XKR4: variants seen among roughly 807,000 people sequenced by gnomAD.
XKR4 encodes XK related 4.
XKR4 carries 12 observed loss-of-function variants against 53.9 expected under a neutral mutation model. The ratio of observed to expected loss-of-function variants is 0.22; its 90% CI spans 0.14 to 0.36. XKR4 has a LOEUF of 0.36. Among genes scored for constraint, XKR4 ranks in the 10% least tolerant of loss-of-function variants. The probability of loss-of-function intolerance (pLI) is 1.00; values close to 1 mark genes in which losing one functional copy is unlikely to be tolerated. For synonymous variants in XKR4, 354 were observed against 362.4 expected (o/e 0.98, Z 0.26); for missense variants, 799 against 859.5 (o/e 0.93, Z 0.88).
At chr8:55,378,013 G>T (rs1355821555) in intron 2 of XKR4, among the ~76,000 whole-genome samples, 1 of 152,220 alleles carries the variant, frequency 6.6e-6, no homozygotes, top group Non-Finnish European at 1.5e-5. Flanking sequence ...ATCAGATGCT[G>T]TCTTCATCGG....
At chr8:55,444,563 C>T (rs922376682) in intron 2 of XKR4, among the ~76,000 whole-genome samples, 1 of 152,110 alleles carries the variant, frequency 6.6e-6, no homozygotes, top group African/African-American at 2.4e-5. Context: ...AGAGGAAATA[C>T]AAATTACTAA....
At chr8:55,285,147 T>C (rs549707021) in intron 1 of XKR4, among the ~76,000 whole-genome samples, 1 of 152,348 alleles carries the variant, frequency 6.6e-6, no homozygotes, top group South Asian at 2.1e-4. Flanking sequence ...GCTATGTCTT[T>C]AAACAAATCT....
At chr8:55,399,028 C>T (rs929119123) in intron 2 of XKR4, among the ~76,000 whole-genome samples, 4 of 152,206 alleles carry the variant, frequency 2.6e-5, no homozygotes, top group African/African-American at 9.7e-5. Context: ...TAGTACACCA[C>T]AGCACTGTAT....
At chr8:55,147,227 G>A (rs2129355045) in intron 1 of XKR4, among the ~76,000 whole-genome samples, 1 of 152,142 alleles carries the variant, frequency 6.6e-6, no homozygotes, top group South Asian at 2.1e-4. Flanking sequence ...TCAAACAAAA[G>A]AAAGGAAAGC....
intron 2 of XKR4, among the ~76,000 whole-genome samples, chr8:55,400,424 C>T (rs573674703): frequency 6.6e-6 from 1 of 152,310 alleles, no homozygotes; most frequent in East Asian, 1.9e-4. Flanking sequence ...TGAGGTGGAT[C>T]CTCCGAGGCA....
intron 2 of XKR4, among the ~76,000 whole-genome samples, chr8:55,362,369 A>G (rs1269751036): frequency 6.6e-6 from 1 of 152,240 alleles, no homozygotes; most frequent in Admixed American, 6.5e-5. Context: ...GAGAATGGTC[A>G]GGTCTTTTGA....
intron 1 of XKR4, among the ~76,000 whole-genome samples, chr8:55,183,089 T>G (rs1563477302): frequency 6.6e-6 from 1 of 152,102 alleles, no homozygotes; most frequent in African/African-American, 2.4e-5. Flanking sequence ...TCTATGGGGT[T>G]AATATTGATT....
intron 2 of XKR4, among the ~76,000 whole-genome samples, chr8:55,486,001 A>C (rs563980434): frequency 1.3e-5 from 2 of 152,350 alleles, no homozygotes; most frequent in East Asian, 3.8e-4. Context: ...TAAAACATGA[A>C]AGAATACTAC....
chr8:55,226,035 A>G (rs1817947585), intron 1 of XKR4, among the ~76,000 whole-genome samples: 1 of 152,190 alleles, frequency 6.6e-6, no homozygotes, highest in Non-Finnish European at 1.5e-5. Flanking sequence ...CTTTGCATCC[A>G]CAGCGACTGT....
intron 1 of XKR4, among the ~76,000 whole-genome samples, chr8:55,335,398 T>C (rs555811434): frequency 1.0e-3 from 159 of 152,244 alleles, no homozygotes; most frequent in Middle Eastern, 3.4e-3. Flanking sequence ...GCAATATCTA[T>C]AGATCTTAAA....
Position 55,423,100 on chromosome 8 carries a change from CT to C in XKR4, c.1006+65236del, listed in dbSNP as rs369306739. Among the ~76,000 whole-genome samples, 636 of 146,530 alleles carry C rather than the reference CT, an allele frequency of 4.3e-3. 1 individual carries two copies. The highest frequency in any genetic ancestry group is 0.025 in the Middle Eastern group (7 of 282). ...GTTATCGTAAAGCCAAATCTTGACA[CT>C]TTTTTTTTTTTTGAGACAAAGTCTT... On this transcript the variant is annotated intron_variant, in intron 2 of 2. Transcript: ENST00000327381.
intron 1 of XKR4, among the ~76,000 whole-genome samples, chr8:55,104,706 A>C (rs938832148): frequency 1.3e-5 from 2 of 151,188 alleles, no homozygotes; most frequent in East Asian, 3.9e-4. Context: ...ACTTTCTGAA[A>C]AAGTGATATT....
At chr8:55,176,898 A>G (rs1390524001) in intron 1 of XKR4, among the ~76,000 whole-genome samples, 3 of 152,094 alleles carry the variant, frequency 2.0e-5, no homozygotes, top group Non-Finnish European at 4.4e-5. Flanking sequence ...ACCAATATCT[A>G]TCTCCAGCAA....
At chr8:55,495,686 G>C (rs556239398) in intron 2 of XKR4, among the ~76,000 whole-genome samples, 1 of 152,224 alleles carries the variant, frequency 6.6e-6, no homozygotes, top group South Asian at 2.1e-4. Flanking sequence ...TGGAGGAGCA[G>C]AGGCTCTGGG....
intron 2 of XKR4, among the ~76,000 whole-genome samples, chr8:55,519,320 C>T (rs1051945317): frequency 6.6e-6 from 1 of 152,144 alleles, no homozygotes; most frequent in Admixed American, 6.5e-5. Flanking sequence ...AAAAGACTGA[C>T]AGACCCATTA....
intron 1 of XKR4, among the ~76,000 whole-genome samples, chr8:55,299,598 T>G (rs1819152817): frequency 6.6e-6 from 1 of 152,136 alleles, no homozygotes; most frequent in African/African-American, 2.4e-5. Flanking sequence ...AAAATTATTG[T>G]GATGTGGACT....
intron 1 of XKR4, among the ~76,000 whole-genome samples, chr8:55,193,464 G>A (rs950395825): frequency 2.6e-5 from 4 of 151,968 alleles, no homozygotes; most frequent in Non-Finnish European, 5.9e-5. Flanking sequence ...CTCTCTATCC[G>A]GCTGAGGCTG....
intron 1 of XKR4, among the ~76,000 whole-genome samples, chr8:55,307,926 C>G (rs1315014769): frequency 6.6e-6 from 1 of 152,122 alleles, no homozygotes; most frequent in Non-Finnish European, 1.5e-5. Flanking sequence ...ATACAGTTAT[C>G]ATATGTATTA....
intron 1 of XKR4, among the ~76,000 whole-genome samples, chr8:55,163,851 A>C (rs1817023577): frequency 6.6e-6 from 1 of 152,212 alleles, no homozygotes; most frequent in Non-Finnish European, 1.5e-5. Flanking sequence ...TCTCAAAAAT[A>C]AATCAATAAA....
Sources: allele counts gnomAD v4.1 joint callset (sites outside exome capture counted in the v4.1 genomes callset), GRCh38; gene constraint gnomAD v4.1.1; transcripts MANE v1.5; gene names NCBI Gene and HGNC (gene_info 2026-07-23, HGNC 2026-07-21).